PTPRM: variants seen among roughly 807,000 people sequenced by gnomAD.
PTPRM encodes the protein receptor-type tyrosine-protein phosphatase mu.
A neutral mutation model predicts 186.7 loss-of-function variants in PTPRM; 47 were observed. The ratio of observed to expected loss-of-function variants is 0.25; its 90% CI spans 0.20 to 0.32. The LOEUF (loss-of-function observed/expected upper bound fraction) is 0.32, where lower values mean the gene tolerates loss of function less well. PTPRM is among the 10% of genes least tolerant of loss of function. The pLI is 1.00. For missense variants in PTPRM, 1,494 were observed against 1,865.0 expected (o/e 0.80, Z 3.66); for synonymous variants, 668 against 674.9 (o/e 0.99, Z 0.16).
intron 14 of PTPRM, among the ~76,000 whole-genome samples, chr18:8,169,129 A>C (rs2093362273): frequency 6.6e-6 from 1 of 152,192 alleles, no homozygotes; most frequent in Non-Finnish European, 1.5e-5. Context: ...ATGAAGGTGG[A>C]AAAGGATAAA....
chr18:8,372,983 C>T (rs961673207), intron 24 of PTPRM, among the ~76,000 whole-genome samples: 1 of 151,970 alleles, frequency 6.6e-6, no homozygotes, highest in Non-Finnish European at 1.5e-5. Context: ...CCTGAATTCC[C>T]AGCTGCACAG....
intron 1 of PTPRM, among the ~76,000 whole-genome samples, chr18:7,651,932 C>T (rs1356258848): frequency 6.6e-6 from 1 of 151,942 alleles, no homozygotes; most frequent in East Asian, 1.9e-4. Flanking sequence ...AGCTTCTGCA[C>T]AGCAAAAGAA....
In PTPRM at chr18:8,221,290, G is replaced by A. The variant is rs141726974; in HGVS notation, c.2301-22768G>A. ...GCTGTGGGGGTTGGTTTCACATGCC[G>A]TCTATCCCAGTACCTGTGAGTTTCT... is the stretch of plus-strand genomic sequence containing the variant. On this transcript the variant is annotated intron_variant, in intron 14 of 32. Coordinates refer to ENST00000580170, the MANE Select transcript of PTPRM (RefSeq NM_001105244.2). Among the ~76,000 whole-genome samples, 162 of 152,270 alleles carry A rather than the reference G, an allele frequency of 1.1e-3. 1 individual carries two copies. Among genetic ancestry groups the A allele is most frequent in the African/African-American group, 3.7e-3 (154 of 41,552 alleles).
At chr18:7,854,303 C>A (rs2145969432) in intron 2 of PTPRM, among the ~76,000 whole-genome samples, 1 of 151,854 alleles carries the variant, frequency 6.6e-6, no homozygotes, top group African/African-American at 2.4e-5. Context: ...GAATTCTGAC[C>A]TCATACTTCT....
chr18:8,278,843 T>G (rs1473820687), intron 19 of PTPRM, among the ~76,000 whole-genome samples: 1 of 152,168 alleles, frequency 6.6e-6, no homozygotes, highest in Non-Finnish European at 1.5e-5. Context: ...TCTTGACTTG[T>G]TTTTCCACCC....
chr18:7,595,679 C>T (rs936889628), intron 1 of PTPRM, among the ~76,000 whole-genome samples: 1 of 152,184 alleles, frequency 6.6e-6, no homozygotes, highest in East Asian at 1.9e-4. Flanking sequence ...AGTAATGTTA[C>T]TCTATCTGCA....
At chr18:8,200,695 A>G (rs1424881091) in intron 14 of PTPRM, among the ~76,000 whole-genome samples, 1 of 152,206 alleles carries the variant, frequency 6.6e-6, no homozygotes, top group Admixed American at 6.5e-5. Context: ...TTTATTTTCA[A>G]ATAATTTCAA....
intron 14 of PTPRM, among the ~76,000 whole-genome samples, chr18:8,147,823 G>A (rs746488699): frequency 6.6e-6 from 1 of 151,948 alleles, no homozygotes; most frequent in Admixed American, 6.6e-5. Flanking sequence ...GTGTTCCACC[G>A]ATACCTAGCT....
chr18:8,378,453 T>A (rs1261844369), intron 27 of PTPRM, 39 bp downstream of exon 27: 2 of 1,605,040 alleles, frequency 1.2e-6, no homozygotes, highest in Non-Finnish European at 1.7e-6. Context: ...CACGGTGACT[T>A]GCTCCTCAAG....
chr18:8,066,870 G>A (rs2089125942), intron 7 of PTPRM, among the ~76,000 whole-genome samples: 1 of 152,138 alleles, frequency 6.6e-6, no homozygotes, highest in Admixed American at 6.5e-5. Context: ...GCAAATGTAT[G>A]GGAAATGTGA....
chr18:7,849,790 G>C (rs2145923665), intron 2 of PTPRM, among the ~76,000 whole-genome samples: 1 of 152,280 alleles, frequency 6.6e-6, no homozygotes, highest in East Asian at 1.9e-4. Context: ...ACATATGAGA[G>C]GGGGAGGCAG....
At chr18:8,148,503 A>G (rs921309585) in intron 14 of PTPRM, among the ~76,000 whole-genome samples, 3 of 152,014 alleles carry the variant, frequency 2.0e-5, no homozygotes, top group African/African-American at 4.8e-5. Context: ...TATCCCCTAT[A>G]TCTTTTTTTA....
chr18:8,050,280 A>G (rs745894171), intron 7 of PTPRM, among the ~76,000 whole-genome samples: 4 of 152,182 alleles, frequency 2.6e-5, no homozygotes, highest in Non-Finnish European at 5.9e-5. Flanking sequence ...GAAAGGCTTT[A>G]TTTCGGTCAG....
At chr18:8,105,266 A>T (rs994856568) in intron 11 of PTPRM, among the ~76,000 whole-genome samples, 3 of 152,178 alleles carry the variant, frequency 2.0e-5, no homozygotes, top group African/African-American at 7.2e-5. Flanking sequence ...CACCACCACC[A>T]CTACCCCCAC....
chr18:7,813,977 C>A (rs953097628), intron 2 of PTPRM: 4 of 152,106 alleles, frequency 2.6e-5, no homozygotes, highest in African/African-American at 9.7e-5. Context: ...TTAAAATCTC[C>A]TCTTCACTTT....
At chr18:7,871,044 G>C (rs2047959933) in intron 2 of PTPRM, among the ~76,000 whole-genome samples, 1 of 152,216 alleles carries the variant, frequency 6.6e-6, no homozygotes, top group Non-Finnish European at 1.5e-5. Context: ...ACACCAAGCT[G>C]TAAAGGACAA....
chr18:8,306,085 C>T (rs752922265), intron 20 of PTPRM, among the ~76,000 whole-genome samples: 12 of 152,060 alleles, frequency 7.9e-5, no homozygotes, highest in South Asian at 6.2e-4. Flanking sequence ...TTGGTAGAGA[C>T]GGAGTTTCTT....
At chr18:7,619,372 T>G (rs566835584) in intron 1 of PTPRM, among the ~76,000 whole-genome samples, 1 of 152,318 alleles carries the variant, frequency 6.6e-6, no homozygotes, top group South Asian at 2.1e-4. Context: ...TGGGATTGAC[T>G]GGGCTTTGTA....
At chr18:8,401,632 G>T (rs967258751) in intron 32 of PTPRM, among the ~76,000 whole-genome samples, 1 of 152,342 alleles carries the variant, frequency 6.6e-6, no homozygotes, top group South Asian at 2.1e-4. Flanking sequence ...CGTTGATGTG[G>T]TGTTTGAAGT....
Sources: gnomAD v4.1 joint callset for allele counts (sites outside exome capture counted in the v4.1 genomes callset) on GRCh38, gnomAD v4.1.1 for gene constraint, MANE v1.5 for transcripts, NCBI Gene and HGNC (gene_info 2026-07-23, HGNC 2026-07-21) for gene names.